Variants in WASF2 observed in about 807,000 individuals in gnomAD.
WASF2 encodes actin-binding protein WASF2.
Under a neutral mutation model 45.0 loss-of-function variants are expected in WASF2, and 14 were observed. That is an observed-to-expected ratio of 0.31 (90% confidence interval 0.21 to 0.49). The LOEUF is 0.49. Ranked by LOEUF, WASF2 falls within the 20% of genes least tolerant of loss-of-function variation. The pLI, the probability that WASF2 is intolerant of heterozygous loss-of-function variation, is 0.99. For synonymous variants in WASF2, 200 were observed against 236.3 expected (o/e 0.85, Z 1.41); for missense variants, 439 against 636.1 (o/e 0.69, Z 3.33).
chr1:27,477,455 A>T (rs1413202211), intron 1 of WASF2, among the ~76,000 whole-genome samples: 1 of 152,158 alleles, frequency 6.6e-6, no homozygotes. Context: ...CAGAAGAATC[A>T]CTTGAACCAG....
chr1:27,420,258 C>T (rs1192769945), intron 2 of WASF2, among the ~76,000 whole-genome samples: 1 of 152,132 alleles, frequency 6.6e-6, no homozygotes, highest in Non-Finnish European at 1.5e-5. Context: ...TTCAAATCTA[C>T]ATCTCAGGAA....
chr1:27,440,274 A>G (rs929960783), intron 1 of WASF2, among the ~76,000 whole-genome samples: 3 of 152,240 alleles, frequency 2.0e-5, no homozygotes, highest in African/African-American at 7.2e-5. Context: ...CTATAATCCC[A>G]GCACCTTGGG....
Position 27,414,476 on chromosome 1 carries a change from T to A in WASF2, c.668+357A>T, listed in dbSNP as rs2016802637. On this transcript the variant is annotated intron_variant, in intron 6 of 8. Transcript: ENST00000618852. This position sits in a 1 kb window ranked among gnomAD's most constrained non-coding sequence, Gnocchi z 4.1. ...GAGTGAAATGCCCAGTTCTTAGGCA[T>A]GACCTTCAAATCAATGCTCTGGAGG... Among the ~76,000 whole-genome samples, 1 of 152,104 alleles carries A rather than the reference T, an allele frequency of 6.6e-6. No individual in the cohort carries two copies. Among genetic ancestry groups the A allele is most frequent in the Non-Finnish European group, 1.5e-5 (1 of 68,004 alleles).
At position 27,420,514 on chromosome 1, in the gene WASF2, C is replaced by CTTTTTTT. The variant is rs782294669; in HGVS notation, c.131-1433_131-1427dup. ...CATACAAATAAATATACCATCTGAG[C>CTTTTTTT]TTTTTTTTTTTTTTTTTTTTTTTTG... is the stretch of plus-strand genomic sequence containing the variant. On this transcript the variant is annotated intron_variant, in intron 2 of 8. Coordinates refer to ENST00000618852, the MANE Select transcript of WASF2 (RefSeq NM_006990.5). Among the ~76,000 whole-genome samples, 19 of 82,486 alleles carry CTTTTTTT rather than the reference C, an allele frequency of 2.3e-4. 1 individual carries two copies. Among genetic ancestry groups the CTTTTTTT allele is most frequent in the Admixed American group, 4.0e-4 (2 of 5,012 alleles). The allele number at this position is 82,486 out of a possible 152,430, so 54.1% of individuals were successfully genotyped here. A position where few individuals can be genotyped will look rare whatever the true frequency, so the allele number is the denominator to read the frequency against.
At chr1:27,472,592 C>T (rs1343105741) in intron 1 of WASF2, among the ~76,000 whole-genome samples, 1 of 142,344 alleles carries the variant, frequency 7.0e-6, no homozygotes, top group Non-Finnish European at 1.5e-5. Flanking sequence ...TGAGATTTCA[C>T]GACTGCACTC....
chr1:27,404,972 C>T lies in WASF2; in HGVS notation c.*3217G>A, dbSNP rs1161173648. On this transcript the variant is annotated 3_prime_UTR_variant, in exon 9 of 9. Transcript: ENST00000618852. ...TGGCCTTGGAGCACTGGCTCCCTCC[C>T]TCCCCATACCCTGAAGTCAGGTGAG... is the stretch of plus-strand genomic sequence containing the variant. 6.5e-6 allele frequency: 1 copy of T among 153,504 alleles called. No individual in the cohort carries two copies. The highest frequency in any genetic ancestry group is 2.4e-5 in the African/African-American group (1 of 41,500). 9.5% of individuals were successfully genotyped at this position (153,504 alleles called of 1,614,324 possible). A position where few individuals can be genotyped will look rare whatever the true frequency, so the allele number is the denominator to read the frequency against.
At chr1:27,409,096 A>G (rs1411713815) in intron 8 of WASF2, among the ~76,000 whole-genome samples, 2 of 152,112 alleles carry the variant, frequency 1.3e-5, no homozygotes, top group Non-Finnish European at 2.9e-5. Flanking sequence ...ACATAAGCAT[A>G]TATTTCCAAG....
rs2017217522 is a variant in WASF2, at chr1:27,440,968, G to T, written c.-43-12035C>A. Among the ~76,000 whole-genome samples, 3 of 151,962 alleles carry T rather than the reference G, an allele frequency of 2.0e-5. No homozygotes were observed. In the South Asian group the frequency reaches 6.2e-4, roughly 32 times the overall value. ...TGCAGCCTCCCCTTCCTGGGTTCCA[G>T]CTATCCTCCCGCCTTAGCCTCCCAA... is the stretch of plus-strand genomic sequence containing the variant. On this transcript the variant is annotated intron_variant, in intron 1 of 8. Transcript: ENST00000618852.
chr1:27,429,638 G>C (rs1008186948), intron 1 of WASF2, among the ~76,000 whole-genome samples: 6 of 151,912 alleles, frequency 3.9e-5, no homozygotes, highest in Non-Finnish European at 5.9e-5. Flanking sequence ...TTGGCCAGGC[G>C]TGTCGCGGGT....
At chr1:27,471,344 C>CAAAAAAAA (rs35393807) in intron 1 of WASF2, among the ~76,000 whole-genome samples, 1 of 53,166 alleles carries the variant, frequency 1.9e-5, no homozygotes. Flanking sequence ...GACTCTGTCT[C>CAAAAAAAA]AAAAAAAAAA....
rs1454464186 is a variant in WASF2, at chr1:27,406,301, G to C, written c.*1888C>G. On this transcript the variant is annotated 3_prime_UTR_variant, in exon 9 of 9. Transcript: ENST00000618852. ...GCCAAGTCCTGTGCCAGAGACACCT[G>C]ATGTGTAAAGAGGGAAGAGGGCACA... is the stretch of plus-strand genomic sequence containing the variant. 1 of 152,508 alleles carries C rather than the reference G, an allele frequency of 6.6e-6. No individual in the cohort carries two copies. The highest frequency in any genetic ancestry group is 2.4e-5 in the African/African-American group (1 of 41,464). The allele number at this position is 152,508 out of a possible 1,614,324, so 9.4% of individuals were successfully genotyped here. A position where few individuals can be genotyped will look rare whatever the true frequency, so the allele number is the denominator to read the frequency against.
chr1:27,433,054 T>C (rs1197955544), intron 1 of WASF2, among the ~76,000 whole-genome samples: 3 of 152,182 alleles, frequency 2.0e-5, no homozygotes, highest in Non-Finnish European at 2.9e-5. Flanking sequence ...TAAGCCACCA[T>C]ACCCGGGCCC....
rs531006166 is a variant in WASF2, at chr1:27,418,293, G to T, written c.395C>A (p.Pro132His). 6.2e-7 allele frequency: 1 copy of T among 1,614,190 alleles called. No homozygotes were observed. Among genetic ancestry groups the T allele is most frequent in the Non-Finnish European group, 8.5e-7 (1 of 1,180,008 alleles). ...CCTGTAAGGGGTAAGATTGTTGAGAGGGGGAGGAGTATCACAGGTATTGTA... is the reference window on the plus strand; with the variant it reads ...CCTGTAAGGGGTAAGATTGTTGAGATGGGGAGGAGTATCACAGGTATTGTA... ...ETYNTCDTPP[P>H]LNNLTPYRDD... The change falls in exon 4 of 9, where the codon CCT becomes CAT. Residue 132 changes from proline (P) to histidine (H), a missense_variant. By Grantham distance (77) the Pro-to-His change is moderately conservative (BLOSUM62 -2). This residue lies in a region of WASF2 where 98 missense variants were observed against 120.7 expected (regional missense o/e 0.81). Transcript: ENST00000618852.
At chr1:27,437,154 A>C (rs1304241802) in intron 1 of WASF2, among the ~76,000 whole-genome samples, 1 of 152,204 alleles carries the variant, frequency 6.6e-6, no homozygotes, top group Non-Finnish European at 1.5e-5. Context: ...TAAGGGTCTA[A>C]TCATAGTTTC....
At chr1:27,418,781 G>A (rs960369377) in intron 3 of WASF2, among the ~76,000 whole-genome samples, 173 bp downstream of exon 3, 1 of 152,094 alleles carries the variant, frequency 6.6e-6, no homozygotes, top group Non-Finnish European at 1.5e-5. Flanking sequence ...TGGGGGTGTG[G>A]TGGAGCTAAA....
At chr1:27,478,649 C>A (rs550445401) in intron 1 of WASF2, among the ~76,000 whole-genome samples, 493 of 152,226 alleles carry the variant, frequency 3.2e-3, no homozygotes, top group Non-Finnish European at 5.8e-3. Flanking sequence ...ATGGCGTGAT[C>A]TCGGCTCACT....
rs113023683 is a variant in WASF2 at position 27,454,149 on chromosome 1, G to A, written c.-43-25216C>T. On this transcript the variant is annotated intron_variant, in intron 1 of 8. Transcript: ENST00000618852. Reference sequence around the variant, plus strand: ...TGTATATATATATGTGTGTGTGTGTGTGTGTATATATATATATATATATAT... The same window carrying A: ...TGTATATATATATGTGTGTGTGTGTATGTGTATATATATATATATATATAT... 5.4e-3 allele frequency among the ~76,000 whole-genome samples: 454 copies of A among 83,666 alleles called. 6 individuals are homozygous for A. The highest frequency in any genetic ancestry group is 0.021 in the African/African-American group (428 of 20,240). 54.9% of individuals were successfully genotyped at this position (83,666 alleles called of 152,430 possible). A position where few individuals can be genotyped will look rare whatever the true frequency, so the allele number is the denominator to read the frequency against.
In WASF2 at chr1:27,418,978, G is replaced by T. The variant is rs747431865; in HGVS notation, c.241C>A (p.Gln81Lys). ...CCTTCTTCTTCCTTGGGATCCAGCT[G>T]AGTGACTTTAACCTGTAGTCGGTCG... ...RVDRLQVKVT[Q>K]LDPKEEEVSL... Residue 81 changes from glutamine to lysine, a missense_variant, in exon 3 of 9, where the codon CAG (glutamine) becomes AAG (lysine). Transcript: ENST00000618852. 1.2e-6 allele frequency: 2 copies of T among 1,613,936 alleles called. No homozygotes were observed. The highest frequency in any genetic ancestry group is 2.7e-5 in the African/African-American group (2 of 74,960).
chr1:27,415,872 A>G, intron 5 of WASF2, 113 bp downstream of exon 5: 1 of 853,306 alleles, frequency 1.2e-6, no homozygotes, highest in Non-Finnish European at 1.9e-6. Context: ...TTCACCTGGC[A>G]TCCAAGCAAG....
Sources: gnomAD v4.1 joint callset for allele counts (sites outside exome capture counted in the v4.1 genomes callset) on GRCh38, gnomAD v4.1.1 for gene constraint, gnomAD v4.1.1 regional missense constraint, Gnocchi (gnomAD v3.1) non-coding constraint, MANE v1.5 for transcripts, NCBI Gene and HGNC (gene_info 2026-07-23, HGNC 2026-07-21) for gene names.